Variants in MAU2 observed in about 807,000 individuals in gnomAD.
The protein encoded by MAU2 is MAU2 chromatid cohesion factor homolog.
A neutral mutation model predicts 89.1 loss-of-function variants in MAU2; 9 were observed. That is an observed-to-expected ratio of 0.10 (90% CI 0.06 to 0.18). The LOEUF (loss-of-function observed/expected upper bound fraction) is 0.18, where lower values mean the gene tolerates loss of function less well. Among genes scored for constraint, MAU2 ranks in the 10% least tolerant of loss-of-function variants. The probability of loss-of-function intolerance (pLI) is 1.00; values close to 1 mark genes in which losing one functional copy is unlikely to be tolerated. For synonymous variants in MAU2, 357 were observed against 343.4 expected (o/e 1.04, Z -0.44); for missense variants, 425 against 803.5 (o/e 0.53, Z 5.69).
Position 19,347,167 on chromosome 19 carries a change from A to T in MAU2, c.1222-113A>T, listed in dbSNP as rs1207640599. Reference sequence around the variant, plus strand: ...GGCAAAACAAGTGTGTTTGAAATGAAAAGAACAAGTCTTTTCCAAAGTAGT... The same window carrying T: ...GGCAAAACAAGTGTGTTTGAAATGATAAGAACAAGTCTTTTCCAAAGTAGT... On this transcript the variant is annotated intron_variant, in intron 12 of 18. Transcript: ENST00000262815. The T allele has an allele frequency of 4.3e-6, 3 of 704,790 alleles. No individual in the cohort carries two copies. In the East Asian group the frequency reaches 7.6e-5, roughly 18 times the overall value. The allele number at this position is 704,790 out of a possible 1,614,324, so 43.7% of individuals were successfully genotyped here.
rs1400768069 is a variant in MAU2 at position 19,320,933 on chromosome 19, G to C, written c.74G>C (p.Trp25Ser). ...GCGCAGGCCGAGGCGGCCGACTCGTGGTACCTGGCGCTTCTGGGCTTCGCT... is the reference window on the plus strand; with the variant it reads ...GCGCAGGCCGAGGCGGCCGACTCGTCGTACCTGGCGCTTCTGGGCTTCGCT... The part of the protein sequence containing the change: ...QAAQAEAADS[W>S]YLALLGFAEH... The change falls in exon 1 of 19, where the codon TGG (tryptophan) becomes TCG (serine). Residue 25 changes from tryptophan (W) to serine (S), a missense_variant. Trp to Ser is a radical substitution (Grantham distance 177, BLOSUM62 -3). Coordinates refer to ENST00000262815, the MANE Select transcript of MAU2 (RefSeq NM_015329.4). 6.4e-7 allele frequency: 1 copy of C among 1,572,346 alleles called. No homozygotes were observed. Among genetic ancestry groups the C allele is most frequent in the Non-Finnish European group, 8.6e-7 (1 of 1,159,888 alleles).
At chr19:19,324,033 A>G (rs1019363053) in intron 1 of MAU2, among the ~76,000 whole-genome samples, 13 of 152,120 alleles carry the variant, frequency 8.5e-5, no homozygotes, top group African/African-American at 3.1e-4. Context: ...GCCAAGCCCT[A>G]TTTTTGGTGC....
intron 9 of MAU2, 124 bp from the exon 10 acceptor site, chr19:19,343,713 G>C: frequency 1.4e-6 from 1 of 718,242 alleles, no homozygotes; most frequent in Non-Finnish European, 2.5e-6. Context: ...GGGACTAGGG[G>C]AGATGACGGG....
chr19:19,343,180 G>A (rs1405356410), intron 9 of MAU2, among the ~76,000 whole-genome samples: 1 of 152,202 alleles, frequency 6.6e-6, no homozygotes, highest in East Asian at 1.9e-4. Flanking sequence ...ATGAGGCCAG[G>A]ATCAGAACTC....
chr19:19,342,457 G>A lies in MAU2; in HGVS notation c.736-78G>A. On this transcript the variant is annotated intron_variant, in intron 7 of 18. Coordinates refer to ENST00000262815, the MANE Select transcript of MAU2 (RefSeq NM_015329.4). The stretch of plus-strand genomic sequence containing the variant: ...GAAGGCAGATGCTCCCTAGAGGAAG[G>A]AGCAGGGGTGGCTGGGCTGGGCCTG... 3.4e-6 allele frequency: 5 copies of A among 1,492,324 alleles called. No individual in the cohort carries two copies. The South Asian group carries it at 5.4e-5, about 16-fold the overall frequency. 92.4% of individuals were successfully genotyped at this position (1,492,324 alleles called of 1,614,324 possible).
At chr19:19,326,643 G>A (rs143989651) in intron 1 of MAU2, among the ~76,000 whole-genome samples, 3,072 of 139,778 alleles carry the variant, frequency 0.022, 115 homozygotes, top group African/African-American at 0.076. Flanking sequence ...CTGAGATCGC[G>A]CCACTGCACT....
chr19:19,348,975 G>A (rs775896515), intron 14 of MAU2, 37 bp downstream of exon 14: 1 of 1,607,236 alleles, frequency 6.2e-7, no homozygotes, highest in South Asian at 1.1e-5. Flanking sequence ...GCACGGCCTA[G>A]GCTCCCCGTG....
chr19:19,332,296 C>T (rs1268699120), intron 1 of MAU2, among the ~76,000 whole-genome samples: 1 of 146,260 alleles, frequency 6.8e-6, no homozygotes. Flanking sequence ...AAGTAACTGG[C>T]ATTACAGCAT....
At chr19:19,347,534 C>T (rs1031791156) in intron 13 of MAU2, 168 bp downstream of exon 13, 17 of 588,738 alleles carry the variant, frequency 2.9e-5, no homozygotes, top group African/African-American at 1.1e-4. Flanking sequence ...AGAGGTGAAT[C>T]GGGCTATGGC....
intron 5 of MAU2, among the ~76,000 whole-genome samples, 200 bp downstream of exon 5, chr19:19,339,139 C>G (rs898757395): frequency 6.6e-6 from 1 of 152,122 alleles, no homozygotes; most frequent in African/African-American, 2.4e-5. Context: ...ATAGTGAAAC[C>G]CCATCTCCAC....
intron 10 of MAU2, 77 bp from the exon 11 acceptor site, chr19:19,344,772 T>C (rs1599917378): frequency 8.3e-7 from 1 of 1,206,720 alleles, no homozygotes; most frequent in East Asian, 2.5e-5. Context: ...CCACCAGCTA[T>C]GGGGTCTCTC....
Position 19,321,079 on chromosome 19 carries a change from G to C in MAU2, c.220G>C (p.Val74Leu). ...CCGTACACACCTGCAGCTGGGCTCC[G>C]TTCTCTATCACCACACCAAGAACAG... The part of the protein sequence containing the change: ...EARTHLQLGS[V>L]LYHHTKNSEQ... Residue 74 changes from valine (V) to leucine (L), a missense_variant, in exon 1 of 19, where the codon GTT becomes CTT. This residue lies in a region of MAU2 where 57 missense variants were observed against 57.5 expected (regional missense o/e 0.99). Coordinates refer to ENST00000262815, the MANE Select transcript of MAU2 (RefSeq NM_015329.4). The C allele has an allele frequency of 6.2e-7, 1 of 1,611,594 alleles. No individual in the cohort carries two copies. The highest frequency in any genetic ancestry group is 8.5e-7 in the Non-Finnish European group (1 of 1,179,158).
chr19:19,343,404 C>T (rs1443414318), intron 9 of MAU2, among the ~76,000 whole-genome samples: 6 of 152,186 alleles, frequency 3.9e-5, no homozygotes, highest in Non-Finnish European at 7.3e-5. Flanking sequence ...CCGGATAGGC[C>T]CTGTGCTTCT....
chr19:19,344,039 C>A, intron 10 of MAU2, 99 bp downstream of exon 10: 1 of 914,500 alleles, frequency 1.1e-6, no homozygotes, highest in Non-Finnish European at 1.7e-6. Flanking sequence ...TACTGGCAGG[C>A]CAGCCCATCC....
chr19:19,325,427 T>A (rs201441433), intron 1 of MAU2, among the ~76,000 whole-genome samples: 1 of 151,964 alleles, frequency 6.6e-6, no homozygotes, highest in African/African-American at 2.4e-5. Context: ...CCACCCGCCT[T>A]GGCCTCCCAA....
chr19:19,347,553 G>A, intron 13 of MAU2, 187 bp downstream of exon 13: 1 of 571,452 alleles, frequency 1.7e-6, no homozygotes, highest in Non-Finnish European at 3.2e-6. Context: ...GCCGGGGGAG[G>A]CCAGGTCTGG....
rs2061720722 is a variant in MAU2 at position 19,349,137 on chromosome 19, A to C, written c.1359-18A>C. The C allele has an allele frequency of 6.2e-7, 1 of 1,613,686 alleles. No homozygotes were observed. The highest frequency in any genetic ancestry group is 1.3e-5 in the African/African-American group (1 of 74,904). ...TCTCAAAATCACCACCCCATGTGATACTGCACTCTCCCTGCAGCTCGCACT... is the reference window on the plus strand; with the variant it reads ...TCTCAAAATCACCACCCCATGTGATCCTGCACTCTCCCTGCAGCTCGCACT... On this transcript the variant is annotated intron_variant, in intron 14 of 18. Coordinates refer to ENST00000262815, the MANE Select transcript of MAU2 (RefSeq NM_015329.4).
At chr19:19,350,114 G>A (rs1363827919) in intron 16 of MAU2, among the ~76,000 whole-genome samples, 1 of 150,484 alleles carries the variant, frequency 6.6e-6, no homozygotes, top group Non-Finnish European at 1.5e-5. Context: ...AGCCAACATA[G>A]TGAAACCCTG....
intron 14 of MAU2, 83 bp from the exon 15 acceptor site, chr19:19,349,072 A>T: frequency 6.4e-7 from 1 of 1,561,302 alleles, no homozygotes; most frequent in African/African-American, 1.4e-5. Context: ...GGCTCTCAGA[A>T]ATAGCCCCCA....
Sources: allele counts gnomAD v4.1 joint callset (sites outside exome capture counted in the v4.1 genomes callset), GRCh38; gene constraint gnomAD v4.1.1; regional missense constraint gnomAD v4.1.1; transcripts MANE v1.5; gene names NCBI Gene and HGNC (gene_info 2026-07-23, HGNC 2026-07-21).